Variants in SMARCAD1 observed in about 807,000 individuals in gnomAD.
SMARCAD1 encodes the protein SNF2 related chromatin remodeling ATPase with DExD box 1.
Under a neutral mutation model 127.1 loss-of-function variants are expected in SMARCAD1, and 25 were observed. The observed-to-expected ratio is 0.20, with a 90% CI of 0.14 to 0.27. The LOEUF (loss-of-function observed/expected upper bound fraction) is 0.27, where lower values mean the gene tolerates loss of function less well. SMARCAD1 is among the 10% of genes least tolerant of loss of function. SMARCAD1 has a pLI of 1.00. For missense variants in SMARCAD1, 807 were observed against 1,206.0 expected (o/e 0.67, Z 4.90); for synonymous variants, 400 against 396.9 (o/e 1.01, Z -0.09).
At chr4:94,217,669 G>A (rs1743412983) in intron 2 of SMARCAD1, among the ~76,000 whole-genome samples, 1 of 152,078 alleles carries the variant, frequency 6.6e-6, no homozygotes, top group Admixed American at 6.6e-5. Flanking sequence ...TTTAATTTCT[G>A]TAAAAATTCA....
chr4:94,216,453 AATT>A (rs1263134477), intron 2 of SMARCAD1, among the ~76,000 whole-genome samples: 3 of 152,182 alleles, frequency 2.0e-5, no homozygotes, highest in Non-Finnish European at 4.4e-5. Flanking sequence ...TAATTTTAAA[AATT>A]ATGATAAAAT....
At chr4:94,273,813 T>C (rs2125984013) in intron 12 of SMARCAD1, 97 bp downstream of exon 12, 1 of 925,750 alleles carries the variant, frequency 1.1e-6, no homozygotes, top group South Asian at 1.4e-5. Context: ...GGTGTTGTGG[T>C]TTCTTAGTTT....
intron 23 of SMARCAD1, among the ~76,000 whole-genome samples, chr4:94,288,520 A>G (rs2126021046): frequency 1.3e-5 from 2 of 152,226 alleles, no homozygotes; most frequent in Middle Eastern, 3.4e-3. Flanking sequence ...TGACATCCCT[A>G]AGAGTTGATG....
chr4:94,240,864 T>C, intron 5 of SMARCAD1, 42 bp from the exon 6 acceptor site: 2 of 1,468,584 alleles, frequency 1.4e-6, no homozygotes, highest in Middle Eastern at 3.5e-4. Context: ...GATTTTTTGC[T>C]ATTTCTGTGC....
intron 9 of SMARCAD1, among the ~76,000 whole-genome samples, chr4:94,253,878 A>G (rs1749666390): frequency 6.6e-6 from 1 of 152,180 alleles, no homozygotes; most frequent in African/African-American, 2.4e-5. Context: ...TAAAAGCAAT[A>G]TGGATGATTT....
At chr4:94,219,324 A>T (rs914391481) in intron 2 of SMARCAD1, among the ~76,000 whole-genome samples, 1 of 152,164 alleles carries the variant, frequency 6.6e-6, no homozygotes, top group African/African-American at 2.4e-5. Flanking sequence ...ACCTTTGTTT[A>T]TGGATTATCA....
intron 6 of SMARCAD1, among the ~76,000 whole-genome samples, chr4:94,243,341 A>G (rs1006207816): frequency 1.3e-5 from 2 of 152,224 alleles, no homozygotes; most frequent in Admixed American, 6.5e-5. Context: ...ACATCTGCAC[A>G]TGCAATTTAT....
intron 2 of SMARCAD1, among the ~76,000 whole-genome samples, chr4:94,215,441 T>C (rs191508924): frequency 2.6e-5 from 4 of 152,188 alleles, no homozygotes; most frequent in Admixed American, 1.3e-4. Context: ...GGCAATGTAG[T>C]GAGACCCTGT....
intron 17 of SMARCAD1, 21 bp downstream of exon 17, chr4:94,278,538 T>A (rs773394388): frequency 6.2e-7 from 1 of 1,608,640 alleles, no homozygotes; most frequent in South Asian, 1.1e-5. Context: ...TCTACATGTT[T>A]TTTATTTTTA....
intron 2 of SMARCAD1, among the ~76,000 whole-genome samples, chr4:94,224,346 G>A (rs1409805590): frequency 6.6e-6 from 1 of 152,176 alleles, no homozygotes; most frequent in Admixed American, 6.5e-5. Context: ...TACAGGTTGA[G>A]TATCCCTTAT....
At chr4:94,230,443 A>C (rs776617307) in intron 3 of SMARCAD1, among the ~76,000 whole-genome samples, 6 of 152,164 alleles carry the variant, frequency 3.9e-5, no homozygotes, top group Admixed American at 6.6e-5. Context: ...ACATTGTGTG[A>C]ACATTCCTTA....
intron 2 of SMARCAD1, among the ~76,000 whole-genome samples, chr4:94,215,692 A>C (rs986274818): frequency 6.6e-6 from 1 of 152,074 alleles, no homozygotes; most frequent in Non-Finnish European, 1.5e-5. Flanking sequence ...CCTACACACA[A>C]ATTTCACTAG....
rs1416243942 is a variant in SMARCAD1, at chr4:94,280,601, C to T, written c.2428C>T (p.His810Tyr). 3 of 1,613,368 alleles carry T rather than the reference C, an allele frequency of 1.9e-6. No individual in the cohort carries two copies. The highest frequency in any genetic ancestry group is 2.5e-6 in the Non-Finnish European group (3 of 1,179,706). ...MSQLMLKEPTHCEANPDLIFE... is the reference protein window; with the variant it reads ...MSQLMLKEPTYCEANPDLIFE... ...TTTGTTTTGTTTTAAGGAACCTACA[C>T]ATTGTGAGGCTAACCCTGACCTGAT... The change falls in exon 20 of 24, where the codon CAT becomes TAT. Residue 810 changes from histidine to tyrosine, a missense_variant. By Grantham distance (83) the His-to-Tyr change is moderately conservative. Around this residue, in one of 8 missense-constraint regions of SMARCAD1, gnomAD observed 99 missense variants for 126.0 expected, o/e 0.79. Coordinates refer to ENST00000354268, the MANE Select transcript of SMARCAD1 (RefSeq NM_020159.5).
At position 94,278,427 on chromosome 4, in the gene SMARCAD1, A is replaced by G. The variant is rs780964913; in HGVS notation, c.2088A>G (p.Ser696=). 13 of 1,612,200 alleles carry G rather than the reference A, an allele frequency of 8.1e-6. No individual in the cohort carries two copies. The highest frequency in any genetic ancestry group is 3.3e-5 in the Admixed American group (2 of 60,004). Residue 696 remains serine, a synonymous_variant, in exon 17 of 24, where the codon TCA becomes TCG. Transcript: ENST00000354268. ...IRRMFSSKTK[S]ADEQSIYEKE... ...TATGTTTTTATTTTGCTCAGAAATC[A>G]GCAGATGAGCAAAGCATATATGAAA...
Position 94,284,347 on chromosome 4 carries a change from AAAAAAAG to A in SMARCAD1, c.2910-605_2910-599del, listed in dbSNP as rs1283282845. On this transcript the variant is annotated intron_variant, in intron 22 of 23. Transcript: ENST00000354268. ...GTCTCAAAAAAAAAAAAAAAAAAAA[AAAAAAAG>A]AAAAAAGTAATTTCCATCTGAACAC... 1.9e-4 allele frequency among the ~76,000 whole-genome samples: 19 copies of A among 99,892 alleles called. 1 individual carries two copies. Among genetic ancestry groups the A allele is most frequent in the East Asian group, 1.6e-3 (4 of 2,560 alleles). The allele number at this position is 99,892 out of a possible 152,430, so 65.5% of individuals were successfully genotyped here. A position where few individuals can be genotyped will look rare whatever the true frequency, so the allele number is the denominator to read the frequency against.
Position 94,264,806 on chromosome 4 carries a change from A to G in SMARCAD1, c.1381A>G (p.Lys461Glu). Residue 461 changes from lysine (K) to glutamate (E), a missense_variant, in exon 10 of 24, where the codon AAA becomes GAA. Coordinates refer to ENST00000354268, the MANE Select transcript of SMARCAD1 (RefSeq NM_020159.5). ...ERDVVIRLMN[K>E]CEDISNKLTK... ...AGATGTAGTTATAAGGCTTATGAAC[A>G]AATGTGAAGACATTTCAAATAAATT... 6.2e-7 allele frequency: 1 copy of G among 1,613,150 alleles called. No homozygotes were observed.
intron 3 of SMARCAD1, among the ~76,000 whole-genome samples, chr4:94,228,903 T>G (rs28649197): frequency 0.016 from 2,422 of 152,266 alleles, 26 homozygotes; most frequent in Non-Finnish European, 0.024. Context: ...TAGGCCAGGT[T>G]TTTTTAGAAT....
intron 5 of SMARCAD1, among the ~76,000 whole-genome samples, chr4:94,237,650 A>G (rs1327770518): frequency 6.6e-6 from 1 of 152,148 alleles, no homozygotes; most frequent in Non-Finnish European, 1.5e-5. Context: ...CTGGCATACA[A>G]CACACATACA....
chr4:94,262,951 A>T (rs1751237428), intron 9 of SMARCAD1, among the ~76,000 whole-genome samples: 2 of 150,168 alleles, frequency 1.3e-5, no homozygotes, highest in South Asian at 4.2e-4. Flanking sequence ...AAAAAAGTGT[A>T]TTTTGAACTT....
Sources: gnomAD v4.1 joint callset for allele counts (sites outside exome capture counted in the v4.1 genomes callset) on GRCh38, gnomAD v4.1.1 for gene constraint, gnomAD v4.1.1 regional missense constraint, MANE v1.5 for transcripts, NCBI Gene and HGNC (gene_info 2026-07-23, HGNC 2026-07-21) for gene names.